TANC2: variants seen among roughly 807,000 people sequenced by gnomAD.
TANC2 encodes the protein tetratricopeptide repeat, ankyrin repeat and coiled-coil containing 2.
Under a neutral mutation model 210.5 loss-of-function variants are expected in TANC2, and 26 were observed. That is an observed-to-expected ratio of 0.12 (90% CI 0.09 to 0.17). The LOEUF is 0.17. TANC2 is among the 10% of genes least tolerant of loss of function. TANC2 has a pLI of 1.00. For synonymous variants in TANC2, 931 were observed against 967.1 expected (o/e 0.96, Z 0.69); for missense variants, 2,129 against 2,608.9 (o/e 0.82, Z 4.01).
chr17:63,092,557 G>T (rs2037237693), intron 3 of TANC2, among the ~76,000 whole-genome samples: 1 of 151,974 alleles, frequency 6.6e-6, no homozygotes, highest in African/African-American at 2.4e-5. Context: ...TCACAATTCT[G>T]GAAGCTGTAC....
chr17:63,275,770 T>C (rs2043852563), intron 9 of TANC2, among the ~76,000 whole-genome samples: 1 of 152,160 alleles, frequency 6.6e-6, no homozygotes. Flanking sequence ...GATTGTAAGT[T>C]TTAGTTGTAT....
At chr17:63,425,167 C>G (rs2049114746) in exon 28 of TANC2, 1 of 152,160 alleles carries the variant, frequency 6.6e-6, no homozygotes, top group African/African-American at 2.4e-5. Flanking sequence ...TAATAGAGCA[C>G]AAACCCTTCT....
chr17:63,001,652 C>A (rs1193555246), intron 1 of TANC2, among the ~76,000 whole-genome samples: 1 of 150,656 alleles, frequency 6.6e-6, no homozygotes, highest in Non-Finnish European at 1.5e-5. Context: ...TCAAGCGATT[C>A]TCCTGCTTCA....
At chr17:63,369,125 A>G (rs929298879) in intron 14 of TANC2, among the ~76,000 whole-genome samples, 9 of 152,202 alleles carry the variant, frequency 5.9e-5, no homozygotes, top group Admixed American at 5.9e-4. Flanking sequence ...TAAATTCCCC[A>G]TGTCCTAAAC....
chr17:63,051,941 A>G (rs1168135627), intron 2 of TANC2, among the ~76,000 whole-genome samples: 1 of 152,162 alleles, frequency 6.6e-6, no homozygotes, highest in African/African-American at 2.4e-5. Context: ...TCTACTTACA[A>G]TGGGTTTATC....
At chr17:63,386,151 T>G (rs1030188227) in intron 15 of TANC2, among the ~76,000 whole-genome samples, 3 of 152,210 alleles carry the variant, frequency 2.0e-5, no homozygotes, top group Non-Finnish European at 2.9e-5. Flanking sequence ...TACATGTACA[T>G]GGATGATTAT....
At chr17:63,308,016 C>T (rs2044982864) in intron 9 of TANC2, among the ~76,000 whole-genome samples, 2 of 152,122 alleles carry the variant, frequency 1.3e-5, no homozygotes, top group Non-Finnish European at 2.9e-5. Flanking sequence ...CTGCCCGCCT[C>T]GGCCTCCCAA....
At chr17:63,035,326 A>AACTTTT (rs2034928450) in intron 2 of TANC2, among the ~76,000 whole-genome samples, 1 of 152,236 alleles carries the variant, frequency 6.6e-6, no homozygotes, top group Non-Finnish European at 1.5e-5. Context: ...AATAGATTAT[A>AACTTTT]GTGTATCATA....
At chr17:63,209,313 A>C (rs1331987188) in intron 7 of TANC2, among the ~76,000 whole-genome samples, 1 of 149,978 alleles carries the variant, frequency 6.7e-6, no homozygotes, top group Non-Finnish European at 1.5e-5. Context: ...GCACCCGGCC[A>C]CACTTTTTTT....
intron 9 of TANC2, among the ~76,000 whole-genome samples, chr17:63,279,879 C>T (rs2044008178): frequency 6.6e-6 from 1 of 152,048 alleles, no homozygotes; most frequent in Non-Finnish European, 1.5e-5. Flanking sequence ...GAATCATCAG[C>T]TCTAGAGAGT....
chr17:63,049,023 C>A (rs751143047), intron 2 of TANC2, among the ~76,000 whole-genome samples: 5 of 152,140 alleles, frequency 3.3e-5, no homozygotes, highest in Non-Finnish European at 5.9e-5. Flanking sequence ...TCCTTCCCAA[C>A]CCTCCATCTT....
chr17:63,388,859 T>G, intron 16 of TANC2, 102 bp downstream of exon 16: 1 of 842,074 alleles, frequency 1.2e-6, no homozygotes, highest in Non-Finnish European at 1.7e-6. Context: ...TGACTTGTCT[T>G]TCTTATTAGC....
At chr17:63,062,861 A>C (rs2036045120) in intron 2 of TANC2, among the ~76,000 whole-genome samples, 1 of 152,158 alleles carries the variant, frequency 6.6e-6, no homozygotes, top group African/African-American at 2.4e-5. Flanking sequence ...CCCACCACGC[A>C]ATTCTTCAAT....
At chr17:63,150,554 C>A (rs1245995381) in intron 4 of TANC2, 1 of 152,102 alleles carries the variant, frequency 6.6e-6, no homozygotes, top group African/African-American at 2.4e-5. Context: ...ATTCCATAGG[C>A]ATCATGATTA....
chr17:63,398,684 G>T (rs544164871), intron 18 of TANC2, 137 bp from the exon 19 acceptor site: 2 of 545,322 alleles, frequency 3.7e-6, no homozygotes, highest in Non-Finnish European at 6.6e-6. Context: ...TTATTAGGAC[G>T]GTCAATTCTG....
rs367962603 is a variant in TANC2, at chr17:63,314,748, C to G, written c.1441+79C>G. On this transcript the variant is annotated intron_variant, in intron 10 of 27. Transcript: ENST00000689528. ...GACATATTTATATTAGGTCGTATAT[C>G]CTTTTATTTTCTCATCTGCAAAACC... 79 of 1,519,378 alleles carry G rather than the reference C, an allele frequency of 5.2e-5. No individual in the cohort carries two copies. The East Asian group carries it at 1.2e-3, about 23-fold the overall frequency. The allele number at this position is 1,519,378 out of a possible 1,614,324, so 94.1% of individuals were successfully genotyped here.
chr17:63,221,606 G>A (rs868430875), intron 7 of TANC2, among the ~76,000 whole-genome samples: 5 of 152,084 alleles, frequency 3.3e-5, no homozygotes, highest in African/African-American at 9.7e-5. Context: ...ATGAGCAAGC[G>A]ATTTGAACAG....
chr17:63,273,121 C>A (rs1452948574), intron 9 of TANC2, among the ~76,000 whole-genome samples: 2 of 151,960 alleles, frequency 1.3e-5, no homozygotes, highest in African/African-American at 4.8e-5. Flanking sequence ...AGGCAACAAC[C>A]CTGTCTCTAC....
At chr17:63,238,669 A>G (rs776062911) in intron 8 of TANC2, among the ~76,000 whole-genome samples, 3 of 152,224 alleles carry the variant, frequency 2.0e-5, no homozygotes, top group South Asian at 2.1e-4. Context: ...AAAAAATTGT[A>G]TTAGTCCGTT....
Sources: allele counts gnomAD v4.1 joint callset (sites outside exome capture counted in the v4.1 genomes callset), GRCh38; gene constraint gnomAD v4.1.1; transcripts MANE v1.5; gene names NCBI Gene and HGNC (gene_info 2026-07-23, HGNC 2026-07-21).